Variants in DGKZ observed in about 807,000 individuals in gnomAD.
DGKZ encodes diacylglycerol kinase zeta.
A neutral mutation model predicts 142.5 loss-of-function variants in DGKZ; 45 were observed. The ratio of observed to expected loss-of-function variants is 0.32; its 90% CI spans 0.25 to 0.40. DGKZ has a LOEUF of 0.40. Among genes scored for constraint, DGKZ ranks in the 10% least tolerant of loss-of-function variants. The pLI is 1.00. For synonymous variants in DGKZ, 442 were observed against 527.0 expected, an observed-to-expected ratio of 0.84 and a Z score of 2.21; for missense variants, 755 against 1,306.5, an observed-to-expected ratio of 0.58 and a Z score of 6.51.
Position 46,365,027 on chromosome 11 carries a change from C to T in DGKZ, c.162-2264C>T. ...GCCTGATCCATGCCAGGCAGGCTGC[C>T]CTTCCCCCACTGTTAGGAGAGGTAG... On this transcript the variant is annotated intron_variant, in intron 1 of 30. Coordinates refer to ENST00000527911, the Ensembl canonical transcript of DGKZ. The T allele has an allele frequency of 4.1e-6, 4 of 985,446 alleles. No individual in the cohort carries two copies. The South Asian group carries it at 1.9e-4, about 46-fold the overall frequency. 61.0% of individuals were successfully genotyped at this position (985,446 alleles called of 1,614,324 possible). A position where few individuals can be genotyped will look rare whatever the true frequency, so the allele number is the denominator to read the frequency against.
In DGKZ at chr11:46,372,701, C is replaced by T. The variant is rs368790542; in HGVS notation, c.1071+24C>T. The T allele has an allele frequency of 4.3e-6, 7 of 1,612,536 alleles. No individual in the cohort carries two copies. The highest frequency in any genetic ancestry group is 1.1e-5 in the South Asian group (1 of 91,008). On this transcript the variant is annotated intron_variant, in intron 12 of 30. Transcript: ENST00000527911. The surrounding 1 kb of genome is among the most constrained non-coding windows in gnomAD (Gnocchi z 5.9). Reference sequence around the variant, plus strand: ...CGGTGAGCTCCCCGCATGGGCCAGCCGAGCACCAGGGCTGGGCCTGAAGCC... The same window carrying T: ...CGGTGAGCTCCCCGCATGGGCCAGCTGAGCACCAGGGCTGGGCCTGAAGCC...
In DGKZ at chr11:46,376,611, A is replaced by G. The variant is rs774100713; in HGVS notation, c.2202+47A>G. 5 of 1,611,150 alleles carry G rather than the reference A, an allele frequency of 3.1e-6. No homozygotes were observed. In the Admixed American group the frequency reaches 5.0e-5, roughly 16 times the overall value. ...CCAGCCACAGCTGCTTCCGGGCCCC[A>G]GGGTCGCCTCTCCTGGGACGCCTTC... On this transcript the variant is annotated intron_variant, in intron 24 of 30. Transcript: ENST00000527911.
upstream of DGKZ, chr11:46,345,186 C>A: frequency 8.8e-7 from 1 of 1,136,206 alleles, no homozygotes; most frequent in Non-Finnish European, 1.1e-6. The surrounding 1 kb of genome is among the most constrained non-coding windows in gnomAD (Gnocchi z 4.1). Context: ...CCAGCCCAAG[C>A]AAGCCCCATG....
chr11:46,368,163 C>G, intron 4 of DGKZ, 84 bp downstream of exon 4: 1 of 1,439,040 alleles, frequency 6.9e-7, no homozygotes, highest in Non-Finnish European at 9.7e-7. Flanking sequence ...ACATGTTATA[C>G]AAACGGCCTG....
In DGKZ at chr11:46,371,476, G is replaced by A. The variant is rs376234143; in HGVS notation, c.643-11G>A. The A allele has an allele frequency of 4.8e-5, 77 of 1,599,684 alleles. No homozygotes were observed. Among genetic ancestry groups the A allele is most frequent in the Admixed American group, 2.2e-4 (13 of 58,934 alleles). ...ACGGTCCCGCTGAGCCCGGCCCCTCGCTCTCCTCAGTACCACAGCAAGGTG... is the reference window on the plus strand; with the variant it reads ...ACGGTCCCGCTGAGCCCGGCCCCTCACTCTCCTCAGTACCACAGCAAGGTG... On this transcript the variant is annotated splice_polypyrimidine_tract_variant and intron_variant, in intron 7 of 30. Transcript: ENST00000527911.
chr11:46,354,896 G>A (rs73464082), intron 1 of DGKZ, among the ~76,000 whole-genome samples: 2,076 of 152,184 alleles, frequency 0.014, 50 homozygotes, highest in African/African-American at 0.047. Context: ...TAACCTCCAC[G>A]TCCGATTCCA....
chr11:46,341,720 T>C (rs748567123), intron 1 of DGKZ, among the ~76,000 whole-genome samples: 5 of 151,998 alleles, frequency 3.3e-5, no homozygotes, highest in African/African-American at 1.2e-4. Context: ...ATGGAGAATG[T>C]GATTGGCCAA....
intron 25 of DGKZ, chr11:46,377,638 T>G: frequency 4.4e-6 from 1 of 228,010 alleles, no homozygotes; most frequent in Non-Finnish European, 8.6e-6. Flanking sequence ...ACCTAGAAGC[T>G]TCTTTCTCAG....
intron 1 of DGKZ, among the ~76,000 whole-genome samples, chr11:46,356,205 C>T (rs889633548): frequency 1.3e-5 from 2 of 152,126 alleles, no homozygotes; most frequent in African/African-American, 4.8e-5. Flanking sequence ...CTTTGGGAGG[C>T]TAAGGGAGAT....
intron 17 of DGKZ, 23 bp downstream of exon 17, chr11:46,374,689 G>A: frequency 6.2e-7 from 1 of 1,606,314 alleles, no homozygotes. Flanking sequence ...AGGCTGCCGT[G>A]GGTGGGTGGG....
intron 1 of DGKZ, among the ~76,000 whole-genome samples, chr11:46,357,677 C>T (rs947842006): frequency 6.6e-6 from 1 of 152,224 alleles, no homozygotes; most frequent in Non-Finnish European, 1.5e-5. Context: ...GGCCCCGGCC[C>T]CCCAGGAGCT....
intron 19 of DGKZ, 138 bp from the exon 20 acceptor site, chr11:46,375,294 C>T: frequency 9.7e-7 from 1 of 1,031,492 alleles, no homozygotes; most frequent in Non-Finnish European, 1.4e-6. Context: ...GGGGTCTCAG[C>T]CTCCCCTCTG....
rs147604011 is a variant in DGKZ, at chr11:46,375,703, A to G, written c.1910+72A>G. 3.5e-3 allele frequency: 5,271 copies of G among 1,510,224 alleles called. 14 individuals carry two copies. The highest frequency in any genetic ancestry group is 4.8e-3 in the Admixed American group (239 of 50,290). The allele number at this position is 1,510,224 out of a possible 1,614,324, so 93.6% of individuals were successfully genotyped here. A position where few individuals can be genotyped will look rare whatever the true frequency, so the allele number is the denominator to read the frequency against. ...GCCCTCTCTGGGCCTTGATTTCCCC[A>G]TCTGTAAAAGGGGCTGACTGTCCCT... On this transcript the variant is annotated intron_variant, in intron 20 of 30. Coordinates refer to ENST00000527911, the Ensembl canonical transcript of DGKZ.
exon 1 of DGKZ, chr11:46,333,281 C>G: frequency 1.7e-5 from 21 of 1,255,812 alleles, no homozygotes; most frequent in Non-Finnish European, 2.0e-5. Context: ...GCACGATGGC[C>G]GAGGGGCAGG....
chr11:46,353,102 G>A (rs58873376), intron 1 of DGKZ, among the ~76,000 whole-genome samples: 4,079 of 152,312 alleles, frequency 0.027, 185 homozygotes, highest in African/African-American at 0.092. Flanking sequence ...TGTCTTTGGT[G>A]ATTAACAGCT....
chr11:46,379,745 C>T, intron 30 of DGKZ, 86 bp from the exon 31 acceptor site: 1 of 1,400,706 alleles, frequency 7.1e-7, no homozygotes, highest in Non-Finnish European at 9.6e-7. Flanking sequence ...GACCAGGCCA[C>T]AGGGAGGTAG....
rs373998430 is a variant in DGKZ, at chr11:46,372,054, G to A, written c.832-21G>A. 296 of 1,596,060 alleles carry A rather than the reference G, an allele frequency of 1.9e-4. No individual in the cohort carries two copies. Among genetic ancestry groups the A allele is most frequent in the Middle Eastern group, 5.3e-4 (3 of 5,704 alleles). On this transcript the variant is annotated intron_variant, in intron 9 of 30. Transcript: ENST00000527911. The surrounding 1 kb of genome is among the most constrained non-coding windows in gnomAD (Gnocchi z 5.9). ...TGTCCTGGACGGGAAGGAGCTTACA[G>A]CCTCTCACCTTGTCTCCCAGGAGGG...
In DGKZ at chr11:46,354,457, A is replaced by G. The variant is rs189396327; in HGVS notation, c.161+6637A>G. ...GTGATCCTCCCACCTTGGCCTCCTGAGTTGCTGAGATTACAGGCCTGAGCC... is the reference window on the plus strand; with the variant it reads ...GTGATCCTCCCACCTTGGCCTCCTGGGTTGCTGAGATTACAGGCCTGAGCC... On this transcript the variant is annotated intron_variant, in intron 1 of 30. Transcript: ENST00000527911. Among the ~76,000 whole-genome samples, 450 of 152,196 alleles carry G rather than the reference A, an allele frequency of 3.0e-3. 2 individuals are homozygous for G. The highest frequency in any genetic ancestry group is 3.4e-3 in the Middle Eastern group (1 of 294).
chr11:46,376,800 G>A, intron 24 of DGKZ: 1 of 666,002 alleles, frequency 1.5e-6, no homozygotes, highest in Non-Finnish European at 2.5e-6. Flanking sequence ...CTTGCTGGGT[G>A]GGTAGGAGGG....
Sources: allele counts gnomAD v4.1 joint callset (sites outside exome capture counted in the v4.1 genomes callset), GRCh38; gene constraint gnomAD v4.1.1; non-coding constraint Gnocchi (gnomAD v3.1); transcripts MANE v1.5; gene names NCBI Gene and HGNC (gene_info 2026-07-23, HGNC 2026-07-21).